The following COL24A1 variants were observed in gnomAD, a reference collection of about 807,000 sequenced individuals.
COL24A1 encodes collagen alpha-1(XXIV) chain.
In COL24A1, 224 loss-of-function variants were observed where a neutral mutation model predicts 253.9. The ratio of observed to expected loss-of-function variants is 0.88; its 90% CI spans 0.79 to 0.99. The LOEUF is 0.99. Among genes scored for constraint, COL24A1 ranks in the 50% least tolerant of loss-of-function variants. The pLI is 0.00. For synonymous variants in COL24A1, 685 were observed against 673.7 expected, an observed-to-expected ratio of 1.02 and a Z score of -0.26; for missense variants, 2,131 against 2,068.5, an observed-to-expected ratio of 1.03 and a Z score of -0.59.
At chr1:85,774,858 G>T (rs1375293921) in intron 53 of COL24A1, among the ~76,000 whole-genome samples, 1 of 151,964 alleles carries the variant, frequency 6.6e-6, no homozygotes, top group Admixed American at 6.6e-5. Flanking sequence ...GGGTTTTTTG[G>T]TGTCTATCTC....
chr1:85,792,486 T>G (rs1430855126), intron 47 of COL24A1, among the ~76,000 whole-genome samples: 1 of 147,466 alleles, frequency 6.8e-6, no homozygotes. Flanking sequence ...CCCAGGAGTT[T>G]GAGACCAGTC....
At chr1:85,732,363 G>A (rs1414631774) in intron 59 of COL24A1, among the ~76,000 whole-genome samples, 5 of 152,100 alleles carry the variant, frequency 3.3e-5, no homozygotes, top group African/African-American at 1.2e-4. Flanking sequence ...CTGAGTAGCT[G>A]GGACTACAGG....
At chr1:85,956,320 C>A (rs1055578634) in intron 24 of COL24A1, among the ~76,000 whole-genome samples, 1 of 152,118 alleles carries the variant, frequency 6.6e-6, no homozygotes, top group African/African-American at 2.4e-5. Context: ...TTCGTTATAA[C>A]CCAGCTCAGA....
At position 85,998,524 on chromosome 1, in the gene COL24A1, GACCCATTTTTGT is replaced by G. The variant is rs1695082842; in HGVS notation, c.2311-10882_2311-10871del. 3.3e-5 allele frequency among the ~76,000 whole-genome samples: 5 copies of G among 152,120 alleles called. No individual in the cohort carries two copies. The South Asian group carries it at 1.0e-3, about 32-fold the overall frequency. ...CTCATGCAGGAAAAGGAATGTATCT[GACCCATTTTTGT>G]ACCTCCAATATTTAACTTCACATGT... On this transcript the variant is annotated intron_variant, in intron 19 of 59. Transcript: ENST00000370571.
At chr1:85,875,397 T>C (rs977808911) in intron 33 of COL24A1, 67 bp from the exon 34 acceptor site, 21 of 1,291,636 alleles carry the variant, frequency 1.6e-5, no homozygotes, top group Non-Finnish European at 2.2e-5. Flanking sequence ...GTGGTAACAC[T>C]GAACTCAAGG....
rs137966072 is a variant in COL24A1, at chr1:85,742,244, G to A, written c.4672+2422C>T. ...GCCTCCTGGGTCAAGTGATTCTCCTGCCTCAGCCTCCTGAGTAGCTGGGAC... is the reference window on the plus strand; with the variant it reads ...GCCTCCTGGGTCAAGTGATTCTCCTACCTCAGCCTCCTGAGTAGCTGGGAC... On this transcript the variant is annotated intron_variant, in intron 57 of 59. Transcript: ENST00000370571. Among the ~76,000 whole-genome samples, 67 of 150,436 alleles carry A rather than the reference G, an allele frequency of 4.5e-4. 1 individual carries two copies. The highest frequency in any genetic ancestry group is 1.6e-3 in the African/African-American group (67 of 41,030).
intron 24 of COL24A1, among the ~76,000 whole-genome samples, chr1:85,937,951 G>A (rs2103146517): frequency 6.8e-6 from 1 of 147,464 alleles, no homozygotes; most frequent in South Asian, 2.4e-4. Context: ...CAGAGCAGGG[G>A]ACTCATTTTA....
chr1:86,024,675 T>C (rs908444881), intron 14 of COL24A1, among the ~76,000 whole-genome samples: 1 of 152,186 alleles, frequency 6.6e-6, no homozygotes, highest in Non-Finnish European at 1.5e-5. Context: ...TCAAATTATG[T>C]CAATAGGAAA....
intron 55 of COL24A1, among the ~76,000 whole-genome samples, chr1:85,748,291 T>C (rs1420054394): frequency 1.3e-5 from 2 of 152,206 alleles, no homozygotes; most frequent in African/African-American, 4.8e-5. Flanking sequence ...AACTGGCTAG[T>C]TGGGTTTGCA....
At chr1:85,958,698 A>C (rs1453556606) in intron 24 of COL24A1, among the ~76,000 whole-genome samples, 1 of 152,140 alleles carries the variant, frequency 6.6e-6, no homozygotes, top group East Asian at 1.9e-4. Context: ...ATAGTGAAAA[A>C]GAACATGTTT....
intron 10 of COL24A1, among the ~76,000 whole-genome samples, chr1:86,053,767 T>C (rs964972821): frequency 3.3e-5 from 5 of 152,088 alleles, no homozygotes; most frequent in African/African-American, 1.2e-4. Context: ...TTTGACAAAA[T>C]ATTTCTGCTA....
chr1:85,943,175 G>C (rs1688916664), intron 24 of COL24A1, among the ~76,000 whole-genome samples: 1 of 152,166 alleles, frequency 6.6e-6, no homozygotes, highest in East Asian at 1.9e-4. Context: ...CCAGCTTTTG[G>C]ACTCCAGGAC....
Position 86,017,218 on chromosome 1 carries a change from G to T in COL24A1, c.2257-14C>A, listed in dbSNP as rs777058295. ...ACCTGTTTGGCCCTAAAATGGGGGG[G>T]GAGGATCAAAGTATAAACATAAACT... On this transcript the variant is annotated splice_polypyrimidine_tract_variant and intron_variant, in intron 18 of 59. Coordinates refer to ENST00000370571, the MANE Select transcript of COL24A1 (RefSeq NM_152890.7). 6.4e-7 allele frequency: 1 copy of T among 1,552,116 alleles called. No homozygotes were observed. The highest frequency in any genetic ancestry group is 8.6e-7 in the Non-Finnish European group (1 of 1,158,644).
At chr1:85,971,506 T>A in intron 20 of COL24A1, 113 bp from the exon 21 acceptor site, 1 of 866,862 alleles carries the variant, frequency 1.2e-6, no homozygotes, top group Non-Finnish European at 1.8e-6. Flanking sequence ...CATTTCCCAT[T>A]AAGAAGTCCT....
chr1:86,039,670 C>A (rs1055614675), intron 12 of COL24A1, among the ~76,000 whole-genome samples: 2 of 151,966 alleles, frequency 1.3e-5, no homozygotes, highest in Non-Finnish European at 2.9e-5. Flanking sequence ...TCATTTGTTC[C>A]AAAACTAAGC....
intron 6 of COL24A1, among the ~76,000 whole-genome samples, chr1:86,090,028 G>T (rs569699679): frequency 6.6e-6 from 1 of 152,296 alleles, no homozygotes; most frequent in South Asian, 2.1e-4. Context: ...CTGGAGCTGA[G>T]CTGGTGCCTT....
At chr1:86,015,707 A>G (rs374619117) in intron 19 of COL24A1, among the ~76,000 whole-genome samples, 55 of 152,274 alleles carry the variant, frequency 3.6e-4, no homozygotes, top group African/African-American at 1.3e-3. Context: ...TTCATTAAAA[A>G]TGATTAAAAT....
chr1:86,115,250 G>A, intron 4 of COL24A1, 75 bp downstream of exon 4: 1 of 1,475,658 alleles, frequency 6.8e-7, no homozygotes, highest in East Asian at 2.3e-5. Flanking sequence ...AGTACATACT[G>A]TACAATACTA....
At chr1:85,960,856 C>G (rs1295079370) in intron 24 of COL24A1, 3 of 182,768 alleles carry the variant, frequency 1.6e-5, no homozygotes, top group African/African-American at 7.2e-5. Context: ...TGTGCTCCAG[C>G]TTGGGTGACA....
Sources: allele counts gnomAD v4.1 joint callset (sites outside exome capture counted in the v4.1 genomes callset), GRCh38; gene constraint gnomAD v4.1.1; transcripts MANE v1.5; gene names NCBI Gene and HGNC (gene_info 2026-07-23, HGNC 2026-07-21).